The following BACH2 variants were observed in gnomAD, a reference collection of about 807,000 sequenced individuals.
BACH2 encodes the protein BACH transcriptional regulator 2, also known as transcription regulator protein BACH2.
A neutral mutation model predicts 61.8 loss-of-function variants in BACH2; 5 were observed. The ratio of observed to expected loss-of-function variants is 0.08; its 90% CI spans 0.04 to 0.17. BACH2 has a LOEUF of 0.17. BACH2 is among the 10% of genes least tolerant of loss of function. BACH2 has a pLI of 1.00. For synonymous variants in BACH2, 446 were observed against 440.1 expected (o/e 1.01, Z -0.17); for missense variants, 824 against 1,091.1 (o/e 0.76, Z 3.45).
chr6:90,017,615 C>A (rs559899941), intron 5 of BACH2, among the ~76,000 whole-genome samples: 2 of 152,280 alleles, frequency 1.3e-5, no homozygotes, highest in East Asian at 3.9e-4. Flanking sequence ...GCATAATTTT[C>A]ATCTCAGACA....
In BACH2 at chr6:90,111,153, T is replaced by C. The variant is rs117532737; in HGVS notation, c.-161-22044A>G. ...CAGCATCTTGGTATTACTGTGAAAA[T>C]AGTTTTAACCTTGCATTCCCTGATA... On this transcript the variant is annotated intron_variant, in intron 4 of 8. Coordinates refer to ENST00000257749, the MANE Select transcript of BACH2 (RefSeq NM_021813.4). 1.4e-3 allele frequency among the ~76,000 whole-genome samples: 209 copies of C among 152,148 alleles called. No individual in the cohort carries two copies. The East Asian group carries it at 0.036, about 26-fold the overall frequency.
chr6:90,145,302 C>T (rs1274282042), intron 4 of BACH2, among the ~76,000 whole-genome samples: 1 of 152,094 alleles, frequency 6.6e-6, no homozygotes, highest in Non-Finnish European at 1.5e-5. Flanking sequence ...GTATGCAACC[C>T]CTGTCAAAAT....
At chr6:90,098,760 G>A (rs977511473) in intron 4 of BACH2, among the ~76,000 whole-genome samples, 5 of 152,134 alleles carry the variant, frequency 3.3e-5, no homozygotes, top group Admixed American at 6.6e-5. Flanking sequence ...GAGCATCCAG[G>A]GTAACTTCTT....
chr6:90,167,731 AT>A (rs543941052), intron 4 of BACH2, among the ~76,000 whole-genome samples: 1 of 152,166 alleles, frequency 6.6e-6, no homozygotes, highest in Admixed American at 6.5e-5. Flanking sequence ...GAAAGTACAC[AT>A]TTCCCCAGCT....
chr6:90,089,877 T>C (rs947068898), intron 4 of BACH2, among the ~76,000 whole-genome samples: 5 of 152,144 alleles, frequency 3.3e-5, no homozygotes, highest in Non-Finnish European at 5.9e-5. Context: ...AAACATTAAA[T>C]ATTTGTGCAC....
At chr6:90,141,801 CTG>C (rs1213334431) in intron 4 of BACH2, among the ~76,000 whole-genome samples, 7 of 152,182 alleles carry the variant, frequency 4.6e-5, no homozygotes, top group Admixed American at 4.6e-4. Flanking sequence ...TCTATTCAGG[CTG>C]TGTGCAGTGG....
chr6:90,167,092 G>A (rs769700178), intron 4 of BACH2, among the ~76,000 whole-genome samples: 8 of 152,226 alleles, frequency 5.3e-5, no homozygotes, highest in African/African-American at 1.9e-4. Context: ...GTGGACCATG[G>A]AACAGGAAGG....
intron 4 of BACH2, among the ~76,000 whole-genome samples, chr6:90,182,655 G>A (rs1259582571): frequency 2.0e-5 from 3 of 152,170 alleles, no homozygotes; most frequent in African/African-American, 4.8e-5. Context: ...GATTGAGAAC[G>A]TATTAATTCA....
chr6:90,288,795 C>T (rs1007911932), intron 1 of BACH2, among the ~76,000 whole-genome samples: 1 of 152,096 alleles, frequency 6.6e-6, no homozygotes, highest in African/African-American at 2.4e-5. Context: ...CATCTTCCTC[C>T]TTGGTAGAAT....
intron 5 of BACH2, among the ~76,000 whole-genome samples, chr6:90,012,688 A>G (rs1439218588): frequency 6.6e-6 from 1 of 150,784 alleles, no homozygotes; most frequent in Non-Finnish European, 1.5e-5. Flanking sequence ...TTTTTTTTGG[A>G]GACAGTCTCA....
chr6:90,071,040 CA>C (rs1781202318), intron 5 of BACH2, among the ~76,000 whole-genome samples: 1 of 152,162 alleles, frequency 6.6e-6, no homozygotes, highest in Non-Finnish European at 1.5e-5. Context: ...TGCTGCAGTG[CA>C]ATGACATGAT....
intron 4 of BACH2, among the ~76,000 whole-genome samples, chr6:90,172,009 C>A (rs762473282): frequency 6.6e-6 from 1 of 151,908 alleles, no homozygotes; most frequent in African/African-American, 2.4e-5. Flanking sequence ...TATAATCTTA[C>A]GTTTAAGAAA....
intron 5 of BACH2, among the ~76,000 whole-genome samples, chr6:90,055,848 A>G (rs1780315198): frequency 6.6e-6 from 1 of 152,220 alleles, no homozygotes; most frequent in African/African-American, 2.4e-5. Flanking sequence ...TTTTCAACCC[A>G]GAATCTCATA....
intron 6 of BACH2, among the ~76,000 whole-genome samples, chr6:90,003,451 T>G (rs1196187325): frequency 6.6e-6 from 1 of 152,176 alleles, no homozygotes; most frequent in Non-Finnish European, 1.5e-5. Context: ...AACTCCCTTC[T>G]CTGTTTTATT....
At chr6:90,002,222 C>T (rs547080510) in intron 6 of BACH2, among the ~76,000 whole-genome samples, 21 of 152,284 alleles carry the variant, frequency 1.4e-4, no homozygotes, top group South Asian at 6.2e-4. Flanking sequence ...TCTACCTTGC[C>T]GGCTCCTCTT....
chr6:90,164,398 T>A (rs58936258), intron 4 of BACH2, among the ~76,000 whole-genome samples: 2 of 151,730 alleles, frequency 1.3e-5, no homozygotes, highest in Admixed American at 6.6e-5. Context: ...CAATAACAGG[T>A]TCTGAAATTG....
intron 4 of BACH2, among the ~76,000 whole-genome samples, chr6:90,139,708 T>C (rs188032450): frequency 7.3e-4 from 111 of 152,338 alleles, no homozygotes; most frequent in Admixed American, 1.8e-3. Context: ...GATGTGTCCT[T>C]ATCTTCCATT....
At chr6:90,285,917 T>C (rs1237047061) in intron 1 of BACH2, among the ~76,000 whole-genome samples, 6 of 152,232 alleles carry the variant, frequency 3.9e-5, no homozygotes, top group Non-Finnish European at 7.3e-5. Context: ...ACAGGGTACA[T>C]GCAAATTAGC....
rs145487290 is a variant in BACH2, at chr6:89,932,246, AAG to A, written c.*160_*161del. The A allele has an allele frequency of 0.012, 11,190 of 951,870 alleles. 233 individuals are homozygous for A. The highest frequency in any genetic ancestry group is 0.076 in the African/African-American group (4,623 of 61,000). 59.0% of individuals were successfully genotyped at this position (951,870 alleles called of 1,614,324 possible). ...AAGGTAACTATCACTCCTGCTCGAGAAGAGGAGAGGATACTTCGGAACAGTAT... is the reference window on the plus strand; with the variant it reads ...AAGGTAACTATCACTCCTGCTCGAGAAGGAGAGGATACTTCGGAACAGTAT... On this transcript the variant is annotated 3_prime_UTR_variant, in exon 9 of 9. Coordinates refer to ENST00000257749, the MANE Select transcript of BACH2 (RefSeq NM_021813.4).
Sources: gnomAD v4.1 joint callset for allele counts (sites outside exome capture counted in the v4.1 genomes callset) on GRCh38, gnomAD v4.1.1 for gene constraint, MANE v1.5 for transcripts, NCBI Gene and HGNC (gene_info 2026-07-23, HGNC 2026-07-21) for gene names.